Variants in ITSN2 observed in about 807,000 individuals in gnomAD.
ITSN2 encodes intersectin-2.
A neutral mutation model predicts 243.7 loss-of-function variants in ITSN2; 156 were observed. That is an observed-to-expected ratio of 0.64 (90% confidence interval 0.56 to 0.73). The LOEUF (loss-of-function observed/expected upper bound fraction) is 0.73, where lower values mean the gene tolerates loss of function less well. ITSN2 is among the 30% of genes least tolerant of loss of function. ITSN2 has a pLI of 0.00. For missense variants in ITSN2, 1,801 were observed against 1,996.1 expected (o/e 0.90, Z 1.86); for synonymous variants, 703 against 699.9 (o/e 1.00, Z -0.07).
chr2:24,249,356 C>T lies in ITSN2; in HGVS notation c.3121-474G>A, dbSNP rs1052959449. 6.6e-6 allele frequency among the ~76,000 whole-genome samples: 1 copy of T among 152,082 alleles called. No individual in the cohort carries two copies. Among genetic ancestry groups the T allele is most frequent in the East Asian group, 1.9e-4 (1 of 5,198 alleles). ...TTTTTATTTTTATTTATTTTACCAT[C>T]CTCCCCCCAAACTGACTGAATCTGA... On this transcript the variant is annotated intron_variant, in intron 25 of 39. Coordinates refer to ENST00000355123, the MANE Select transcript of ITSN2 (RefSeq NM_006277.3). The surrounding 1 kb of genome is among the most constrained non-coding windows in gnomAD (Gnocchi z 4.4).
intron 17 of ITSN2, among the ~76,000 whole-genome samples, chr2:24,283,271 C>A (rs1679047887): frequency 6.6e-6 from 1 of 151,848 alleles, no homozygotes; most frequent in Non-Finnish European, 1.5e-5. Context: ...GTTGACCAGG[C>A]TGGAGTGCAA....
At chr2:24,266,967 C>A (rs1420034316) in intron 20 of ITSN2, among the ~76,000 whole-genome samples, 1 of 151,854 alleles carries the variant, frequency 6.6e-6, no homozygotes, top group African/African-American at 2.4e-5. Context: ...AATAAAATAG[C>A]TAAGCCAGAG....
intron 29 of ITSN2, chr2:24,241,766 T>G (rs1672757260): frequency 6.6e-6 from 1 of 152,606 alleles, no homozygotes; most frequent in Admixed American, 6.5e-5. Context: ...TAAGCAAATT[T>G]TATCTGAATT....
At position 24,239,118 on chromosome 2, in the gene ITSN2, T is replaced by A. The variant is rs138216076; in HGVS notation, c.3577+7011A>T. The stretch of plus-strand genomic sequence containing the variant: ...AAAACAGCACTTTGCAACAATTTAA[T>A]AATTTATTACATTACAGTAGCATCA... On this transcript the variant is annotated intron_variant, in intron 29 of 39. Transcript: ENST00000355123. 666 of 152,666 alleles carry A rather than the reference T, an allele frequency of 4.4e-3. 6 individuals carry two copies. Among genetic ancestry groups the A allele is most frequent in the Non-Finnish European group, 6.5e-3 (442 of 67,968 alleles). The allele number at this position is 152,666 out of a possible 1,614,324, so 9.5% of individuals were successfully genotyped here.
At chr2:24,219,442 C>T (rs369484788) in intron 30 of ITSN2, among the ~76,000 whole-genome samples, 2 of 152,178 alleles carry the variant, frequency 1.3e-5, no homozygotes, top group African/African-American at 2.4e-5. Flanking sequence ...GAAAGACGGC[C>T]GGCCTGCTCG....
rs199879542 is a variant in ITSN2 at position 24,300,155 on chromosome 2, T to C, written c.1098A>G (p.Lys366=). Residue 366 remains lysine (K), a synonymous_variant, in exon 12 of 40, where the codon AAA becomes AAG. Transcript: ENST00000355123. The part of the protein sequence containing the change: ...QKKLPVTFED[K]RKANYERGNM... Reference sequence around the variant, plus strand: ...TCCCTCGCTCATAGTTGGCTTTCCGTTTGTCCTCAAAAGTAACTGAACAAG... The same window carrying C: ...TCCCTCGCTCATAGTTGGCTTTCCGCTTGTCCTCAAAAGTAACTGAACAAG... The C allele has an allele frequency of 1.5e-5, 24 of 1,614,142 alleles. No individual in the cohort carries two copies. The highest frequency in any genetic ancestry group is 1.8e-5 in the Non-Finnish European group (21 of 1,180,028).
At chr2:24,267,868 A>G (rs1185616739) in intron 20 of ITSN2, among the ~76,000 whole-genome samples, 1 of 152,218 alleles carries the variant, frequency 6.6e-6, no homozygotes, top group Non-Finnish European at 1.5e-5. Flanking sequence ...AGCTTTTAAA[A>G]GTATTAATTT....
At chr2:24,220,662 C>T (rs1670355861) in intron 30 of ITSN2, 1 of 1,263,794 alleles carries the variant, frequency 7.9e-7, no homozygotes, top group African/African-American at 1.6e-5. Flanking sequence ...GCTCCTGCCA[C>T]ATCCAACGAA....
rs907297540 is a variant in ITSN2 at position 24,261,038 on chromosome 2, A to G, written c.2682+68T>C. 14 of 1,420,030 alleles carry G rather than the reference A, an allele frequency of 9.9e-6. No individual in the cohort carries two copies. The African/African-American group carries it at 1.6e-4, about 16-fold the overall frequency. The allele number at this position is 1,420,030 out of a possible 1,614,324, so 88.0% of individuals were successfully genotyped here. ...ATGAGTGAATGGTCCTTTGTATATA[A>G]TTTTCATTCTATTTTAATCAGGAGC... is the stretch of plus-strand genomic sequence containing the variant. On this transcript the variant is annotated intron_variant, in intron 22 of 39. Transcript: ENST00000355123.
intron 22 of ITSN2, 115 bp downstream of exon 22, chr2:24,260,991 G>T: frequency 1.2e-6 from 1 of 822,004 alleles, no homozygotes; most frequent in Non-Finnish European, 1.8e-6. Context: ...GAAAGAAACT[G>T]AATGCTACAA....
intron 20 of ITSN2, among the ~76,000 whole-genome samples, chr2:24,264,025 T>G (rs1676264675): frequency 6.6e-6 from 1 of 152,176 alleles, no homozygotes; most frequent in African/African-American, 2.4e-5. Context: ...CAGTACACAA[T>G]TAAATGCATT....
chr2:24,343,672 G>T (rs1020293662), intron 1 of ITSN2, among the ~76,000 whole-genome samples: 3 of 152,062 alleles, frequency 2.0e-5, no homozygotes, highest in African/African-American at 7.2e-5. Flanking sequence ...GCCTAAATTG[G>T]ACTTTACCTA....
chr2:24,332,090 A>C lies in ITSN2; in HGVS notation c.-33-3975T>G, dbSNP rs1264595970. ...GAAACCCCATCTCTACTAAAAATAC[A>C]AAATTAGCCAGGCGTGGGGCACATG... is the stretch of plus-strand genomic sequence containing the variant. On this transcript the variant is annotated intron_variant, in intron 1 of 39. Transcript: ENST00000355123. 2.0e-5 allele frequency among the ~76,000 whole-genome samples: 3 copies of C among 152,238 alleles called. No individual in the cohort carries two copies. The East Asian group carries it at 5.8e-4, about 29-fold the overall frequency.
chr2:24,210,084 G>A (rs1381108967), intron 34 of ITSN2, 51 bp from the exon 35 acceptor site: 7 of 1,396,702 alleles, frequency 5.0e-6, no homozygotes, highest in Non-Finnish European at 5.1e-6. Context: ...AAACCATCCA[G>A]TGCCCCTGAG....
chr2:24,213,697 T>C (rs1341162026), intron 32 of ITSN2, among the ~76,000 whole-genome samples: 3 of 152,260 alleles, frequency 2.0e-5, no homozygotes, highest in East Asian at 1.9e-4. Flanking sequence ...TGTGATGACT[T>C]TGAAATCCTA....
intron 2 of ITSN2, among the ~76,000 whole-genome samples, chr2:24,320,736 C>CA (rs61489698): frequency 7.5e-6 from 1 of 133,108 alleles, no homozygotes; most frequent in Admixed American, 7.6e-5. Context: ...CAACAACCAC[C>CA]AAAAAAAAAA....
At chr2:24,261,489 TGAC>T in intron 21 of ITSN2, 69 bp downstream of exon 21, 1 of 1,216,782 alleles carries the variant, frequency 8.2e-7, no homozygotes, top group Non-Finnish European at 1.2e-6. Flanking sequence ...AGTAGTAGGC[TGAC>T]ACCATTATAT....
intron 1 of ITSN2, among the ~76,000 whole-genome samples, chr2:24,338,523 T>G (rs1686702350): frequency 6.6e-6 from 1 of 152,208 alleles, no homozygotes; most frequent in Non-Finnish European, 1.5e-5. Context: ...TTCATATATT[T>G]TAGAGAGTTT....
At chr2:24,285,218 T>C (rs1480843530) in intron 16 of ITSN2, among the ~76,000 whole-genome samples, 2 of 152,096 alleles carry the variant, frequency 1.3e-5, no homozygotes, top group African/African-American at 4.8e-5. Context: ...AAAGAAATAA[T>C]ATAGGGAAGA....
Sources: allele counts gnomAD v4.1 joint callset (sites outside exome capture counted in the v4.1 genomes callset), GRCh38; gene constraint gnomAD v4.1.1; non-coding constraint Gnocchi (gnomAD v3.1); transcripts MANE v1.5; gene names NCBI Gene and HGNC (gene_info 2026-07-23, HGNC 2026-07-21).